Variants in THRAP3 observed in about 807,000 individuals in gnomAD.
The protein encoded by THRAP3 is thyroid hormone receptor-associated protein 3.
THRAP3 carries 16 observed loss-of-function variants against 101.0 expected under a neutral mutation model. That is an observed-to-expected ratio of 0.16 (90% CI 0.11 to 0.24). THRAP3 has a LOEUF of 0.24. Among genes scored for constraint, THRAP3 ranks in the 10% least tolerant of loss-of-function variants. The pLI, the probability that THRAP3 is intolerant of heterozygous loss-of-function variation, is 1.00. For missense variants in THRAP3, 989 were observed against 1,202.7 expected, an observed-to-expected ratio of 0.82 and a Z score of 2.63; for synonymous variants, 407 against 422.6, an observed-to-expected ratio of 0.96 and a Z score of 0.45.
chr1:36,207,789 C>CT, the THRAP3 span, among the ~76,000 whole-genome samples: 2 of 152,012 alleles, frequency 1.3e-5, no homozygotes, highest in African/African-American at 2.4e-5. Context: ...AGACTGAAGA[C>CT]TTTTTTTATT....
At position 36,305,012 on chromosome 1, in the gene THRAP3, TTTTC is replaced by T. The variant is rs765815116; in HGVS notation, c.*999_*1002del. On this transcript the variant is annotated 3_prime_UTR_variant, in exon 12 of 12. Transcript: ENST00000354618. ...GGGGTTTTTTTGGGTTTCTTTTTTT[TTTTC>T]TTTGTCTTTTTAACCTTAAGCTGTT... 4.3e-5 allele frequency: 9 copies of T among 210,714 alleles called. No individual in the cohort carries two copies. In the South Asian group the frequency reaches 5.6e-4, roughly 13 times the overall value. 13.1% of individuals were successfully genotyped at this position (210,714 alleles called of 1,614,324 possible). A position where few individuals can be genotyped will look rare whatever the true frequency, so the allele number is the denominator to read the frequency against.
At chr1:36,297,540 G>A (rs1037234857) in intron 9 of THRAP3, among the ~76,000 whole-genome samples, 3 of 146,932 alleles carry the variant, frequency 2.0e-5, no homozygotes, top group Admixed American at 1.4e-4. Flanking sequence ...CCTCCGCCTC[G>A]CGGGTTCAAG....
chr1:36,241,503 G>A (rs902039168), intron 1 of THRAP3, among the ~76,000 whole-genome samples: 1 of 149,634 alleles, frequency 6.7e-6, no homozygotes, highest in Non-Finnish European at 1.5e-5. Context: ...TAATGTGTGA[G>A]TATTTTGCAT....
the THRAP3 span, among the ~76,000 whole-genome samples, chr1:36,208,444 C>T: frequency 6.6e-6 from 1 of 152,258 alleles, no homozygotes; most frequent in South Asian, 2.1e-4. Context: ...CCTCACCTCT[C>T]ATCTCCATCT....
the THRAP3 span, among the ~76,000 whole-genome samples, chr1:36,210,573 C>A: frequency 7.1e-6 from 1 of 141,660 alleles, no homozygotes; most frequent in African/African-American, 2.6e-5. Flanking sequence ...CGCCTGTAAT[C>A]CCGGCTACTC....
the THRAP3 span, among the ~76,000 whole-genome samples, chr1:36,208,569 A>C: frequency 6.6e-6 from 1 of 152,204 alleles, no homozygotes; most frequent in African/African-American, 2.4e-5. Flanking sequence ...ACTGCAAAAC[A>C]ACAGAATTAT....
chr1:36,281,900 G>A (rs1175682351), intron 2 of THRAP3, among the ~76,000 whole-genome samples: 1 of 151,968 alleles, frequency 6.6e-6, no homozygotes, highest in Non-Finnish European at 1.5e-5. Flanking sequence ...GAGAAACCCT[G>A]TCTCTACTAA....
chr1:36,303,324 G>A (rs1478081099), intron 11 of THRAP3, among the ~76,000 whole-genome samples: 1 of 151,966 alleles, frequency 6.6e-6, no homozygotes, highest in Admixed American at 6.6e-5. Flanking sequence ...ACGTTTTGGT[G>A]TGATTGGCTT....
chr1:36,241,730 C>G (rs1645164068), intron 1 of THRAP3, among the ~76,000 whole-genome samples: 1 of 151,878 alleles, frequency 6.6e-6, no homozygotes, highest in African/African-American at 2.4e-5. Flanking sequence ...AGGCACCCAC[C>G]ACCATGCCTG....
Position 36,230,735 on chromosome 1 carries a change from G to A in THRAP3, c.-135+6230G>A, listed in dbSNP as rs114199673. Among the ~76,000 whole-genome samples, 1,463 of 152,250 alleles carry A rather than the reference G, an allele frequency of 9.6e-3. 16 individuals carry two copies. The highest frequency in any genetic ancestry group is 0.034 in the African/African-American group (1,402 of 41,560). On this transcript the variant is annotated intron_variant, in intron 1 of 11. Transcript: ENST00000354618. Reference sequence around the variant, plus strand: ...TGAAAATACATGTATTTAGGCAGATGTTTTCAACCTCTGCCTAAAAAGTTT... The same window carrying A: ...TGAAAATACATGTATTTAGGCAGATATTTTCAACCTCTGCCTAAAAAGTTT...
chr1:36,270,508 T>C (rs534173759), intron 2 of THRAP3, among the ~76,000 whole-genome samples: 1 of 152,042 alleles, frequency 6.6e-6, no homozygotes, highest in South Asian at 2.1e-4. Context: ...AGATTTACTG[T>C]GAGAAGATTT....
intron 1 of THRAP3, among the ~76,000 whole-genome samples, chr1:36,248,799 A>G (rs1013890019): frequency 5.9e-5 from 9 of 151,984 alleles, no homozygotes; most frequent in Non-Finnish European, 1.3e-4. Context: ...AAACTTACCT[A>G]TTGAGCAAAC....
At chr1:36,283,998 A>G (rs1393217339) in intron 3 of THRAP3, among the ~76,000 whole-genome samples, 1 of 152,196 alleles carries the variant, frequency 6.6e-6, no homozygotes, top group African/African-American at 2.4e-5. Flanking sequence ...AGTAACTCCT[A>G]CCCTGTACCC....
At chr1:36,292,088 T>C (rs1173599526) in intron 6 of THRAP3, among the ~76,000 whole-genome samples, 1 of 151,900 alleles carries the variant, frequency 6.6e-6, no homozygotes, top group Non-Finnish European at 1.5e-5. Flanking sequence ...GGAGCTACAG[T>C]GGAAATCTAG....
chr1:36,230,553 G>A (rs944385312), intron 1 of THRAP3, among the ~76,000 whole-genome samples: 22 of 152,122 alleles, frequency 1.4e-4, no homozygotes, highest in Non-Finnish European at 7.4e-5. Flanking sequence ...TGGAGCCACC[G>A]CGCCCGGCCT....
intron 2 of THRAP3, among the ~76,000 whole-genome samples, chr1:36,276,217 TAAA>T (rs781047221): frequency 8.7e-5 from 11 of 126,708 alleles, no homozygotes; most frequent in Admixed American, 1.6e-4. Context: ...TTCAGCAGAG[TAAA>T]AAAAAAAAAA....
rs933878251 is a variant in THRAP3 at position 36,239,079 on chromosome 1, G to A, written c.-135+14574G>A. Among the ~76,000 whole-genome samples, 4 of 147,576 alleles carry A rather than the reference G, an allele frequency of 2.7e-5. No individual in the cohort carries two copies. The East Asian group carries it at 8.3e-4, about 30-fold the overall frequency. The stretch of plus-strand genomic sequence containing the variant: ...CTCCCAAGTAGCTGGGAGTACAGGT[G>A]CCCACAACCACACCCGGCTAATTTT... On this transcript the variant is annotated intron_variant, in intron 1 of 11. Transcript: ENST00000354618.
At chr1:36,244,718 G>C (rs1215284099) in intron 1 of THRAP3, among the ~76,000 whole-genome samples, 1 of 149,788 alleles carries the variant, frequency 6.7e-6, no homozygotes, top group Non-Finnish European at 1.5e-5. Context: ...AATTTTACTT[G>C]TGGGTTTTTT....
intron 9 of THRAP3, among the ~76,000 whole-genome samples, chr1:36,300,469 A>AT (rs1354175297): frequency 2.0e-5 from 3 of 152,240 alleles, no homozygotes; most frequent in African/African-American, 7.2e-5. Context: ...CCTGTAAGAA[A>AT]TAAAAGTAAT....
Sources: gnomAD v4.1 joint callset for allele counts (sites outside exome capture counted in the v4.1 genomes callset) on GRCh38, gnomAD v4.1.1 for gene constraint, MANE v1.5 for transcripts, NCBI Gene and HGNC (gene_info 2026-07-23, HGNC 2026-07-21) for gene names.